Variants in RANBP2 observed in about 807,000 individuals in gnomAD.
The protein encoded by RANBP2 is E3 SUMO-protein ligase RanBP2.
RANBP2 carries 57 observed loss-of-function variants against 303.6 expected under a neutral mutation model. The observed-to-expected ratio is 0.19, with a 90% CI of 0.15 to 0.23. The LOEUF (loss-of-function observed/expected upper bound fraction) is 0.23, where lower values mean the gene tolerates loss of function less well. Among genes scored for constraint, RANBP2 ranks in the 10% least tolerant of loss-of-function variants. The pLI, the probability that RANBP2 is intolerant of heterozygous loss-of-function variation, is 1.00. For synonymous variants in RANBP2, 1,167 were observed against 1,301.5 expected (o/e 0.90, Z 2.23); for missense variants, 3,138 against 3,780.8 (o/e 0.83, Z 4.46).
the RANBP2 span, among the ~76,000 whole-genome samples, chr2:109,031,267 G>T: frequency 2.0e-5 from 3 of 152,194 alleles, no homozygotes; most frequent in Non-Finnish European, 4.4e-5. Flanking sequence ...CACAGATGGG[G>T]GCTTCTTGAT....
Position 108,766,944 on chromosome 2 carries a change from C to G in RANBP2, c.6405C>G (p.Phe2135Leu), listed in dbSNP as rs776655192. The stretch of plus-strand genomic sequence containing the variant: ...AAACACCAGAGCTGGCTGAAGAATT[C>G]AAGCAGAAATTTGAGGAATGCCAGC... The part of the protein sequence containing the change: ...KFKTPELAEE[F>L]KQKFEECQRL... Residue 2135 changes from phenylalanine (F) to leucine (L), a missense_variant, in exon 20 of 29, where the codon TTC becomes TTG. Around this residue, in one of 20 missense-constraint regions of RANBP2, gnomAD observed 103 missense variants for 214.3 expected, o/e 0.48. Transcript: ENST00000283195. The G allele has an allele frequency of 6.2e-7, 1 of 1,609,414 alleles. No individual in the cohort carries two copies. The highest frequency in any genetic ancestry group is 8.5e-7 in the Non-Finnish European group (1 of 1,179,852).
the RANBP2 span, among the ~76,000 whole-genome samples, chr2:109,060,069 G>A: frequency 2.0e-5 from 3 of 152,250 alleles, no homozygotes; most frequent in Admixed American, 1.3e-4. Flanking sequence ...TTGACAATGT[G>A]TCTTTTTGAG....
chr2:109,209,139 G>A, the RANBP2 span, among the ~76,000 whole-genome samples: 1 of 152,326 alleles, frequency 6.6e-6, no homozygotes, highest in African/African-American at 2.4e-5. Context: ...TGGGAAGTGG[G>A]TCCAAACCCT....
chr2:109,276,292 G>T, the RANBP2 span, among the ~76,000 whole-genome samples: 1 of 152,214 alleles, frequency 6.6e-6, no homozygotes, highest in Non-Finnish European at 1.5e-5. Flanking sequence ...CTAGAAAAGG[G>T]TCACGATTAG....
the RANBP2 span, among the ~76,000 whole-genome samples, chr2:109,444,874 A>G: frequency 2.0e-5 from 3 of 152,362 alleles, no homozygotes; most frequent in African/African-American, 7.2e-5. Context: ...ATCTGAGAGC[A>G]TCTTTGAAAT....
chr2:109,522,481 G>C, the RANBP2 span, among the ~76,000 whole-genome samples: 1 of 152,108 alleles, frequency 6.6e-6, no homozygotes, highest in South Asian at 2.1e-4. Flanking sequence ...ATTTTTAGTA[G>C]AGACGGGGTT....
At chr2:109,249,467 C>CTCTCTCTTTCTTTCTTTCTT in the RANBP2 span, among the ~76,000 whole-genome samples, 3 of 99,292 alleles carry the variant, frequency 3.0e-5, no homozygotes, top group African/African-American at 8.1e-5. Context: ...TTCTCTCTTT[C>CTCTCTCTTTCTTTCTTTCTT]TCTTTCTTTC....
Position 108,768,210 on chromosome 2 carries a change from T to C in RANBP2, c.7671T>C (p.Asn2557=), listed in dbSNP as rs557751348. 144 of 1,611,976 alleles carry C rather than the reference T, an allele frequency of 8.9e-5. No individual in the cohort carries two copies. The highest frequency in any genetic ancestry group is 2.5e-4 in the Admixed American group (15 of 60,020). The part of the protein sequence containing the change: ...FSFNAPLKSN[N]SETSSVAQSG... ...TTAATGCACCTTTGAAAAGTAACAA[T>C]AGTGAAACTAGTTCAGTAGCCCAGA... Residue 2557 remains asparagine, a synonymous_variant, in exon 20 of 29, where the codon AAT becomes AAC. Transcript: ENST00000283195.
At chr2:109,131,718 CTT>C in the RANBP2 span, among the ~76,000 whole-genome samples, 1 of 152,274 alleles carries the variant, frequency 6.6e-6, no homozygotes, top group East Asian at 1.9e-4. Flanking sequence ...AAGCTTGGAA[CTT>C]TTTAGTAGTG....
At chr2:109,158,456 C>T in the RANBP2 span, among the ~76,000 whole-genome samples, 1 of 152,158 alleles carries the variant, frequency 6.6e-6, no homozygotes, top group Admixed American at 6.5e-5. Context: ...CAGCTGAGGG[C>T]AGGTTCAGTC....
the RANBP2 span, among the ~76,000 whole-genome samples, chr2:108,820,165 T>C: frequency 6.6e-6 from 1 of 152,314 alleles, no homozygotes; most frequent in South Asian, 2.1e-4. Flanking sequence ...CTCAGTGCTT[T>C]GGGAGGCCAA....
the RANBP2 span, among the ~76,000 whole-genome samples, chr2:108,850,655 G>A: frequency 6.6e-6 from 1 of 152,058 alleles, no homozygotes; most frequent in East Asian, 1.9e-4. Context: ...GTTTCACCAT[G>A]TTCGCCAGGC....
the RANBP2 span, among the ~76,000 whole-genome samples, chr2:109,000,035 C>G: frequency 5.3e-5 from 8 of 152,230 alleles, no homozygotes; most frequent in Non-Finnish European, 8.8e-5. Flanking sequence ...CTTCCTTTAT[C>G]AAAACTGGAT....
At chr2:108,843,869 TGTGTG>T in the RANBP2 span, among the ~76,000 whole-genome samples, 1 of 134,422 alleles carries the variant, frequency 7.4e-6, no homozygotes, top group African/African-American at 2.8e-5. Context: ...TGTGTGTGTG[TGTGTG>T]TGTGTTTCTT....
chr2:108,791,304 C>T, the RANBP2 span, among the ~76,000 whole-genome samples: 3 of 152,088 alleles, frequency 2.0e-5, no homozygotes, highest in Non-Finnish European at 4.4e-5. Flanking sequence ...TTATGTCACC[C>T]ATCAGTTATT....
chr2:108,953,390 T>G, the RANBP2 span, among the ~76,000 whole-genome samples: 3 of 152,174 alleles, frequency 2.0e-5, no homozygotes, highest in Non-Finnish European at 2.9e-5. Flanking sequence ...TTCCACAAAT[T>G]GTAGATACTT....
chr2:109,136,603 G>C, the RANBP2 span, among the ~76,000 whole-genome samples: 1 of 152,148 alleles, frequency 6.6e-6, no homozygotes, highest in Non-Finnish European at 1.5e-5. Flanking sequence ...AGGCCATTTA[G>C]AGCTGCAGCT....
the RANBP2 span, chr2:109,732,903 G>A: frequency 2.3e-6 from 2 of 863,880 alleles, no homozygotes; most frequent in Non-Finnish European, 3.9e-6. Flanking sequence ...CTAGATGGAA[G>A]AACACTATGT....
chr2:109,001,432 A>C, the RANBP2 span, among the ~76,000 whole-genome samples: 2 of 152,210 alleles, frequency 1.3e-5, no homozygotes, highest in Non-Finnish European at 1.5e-5. Context: ...GGCAGGCAGT[A>C]ACTGCAGGAG....
Sources: gnomAD v4.1 joint callset for allele counts (sites outside exome capture counted in the v4.1 genomes callset) on GRCh38, gnomAD v4.1.1 for gene constraint, gnomAD v4.1.1 regional missense constraint, MANE v1.5 for transcripts, NCBI Gene and HGNC (gene_info 2026-07-23, HGNC 2026-07-21) for gene names.